MCTP1: variants seen among roughly 807,000 people sequenced by gnomAD.
The protein encoded by MCTP1 is multiple C2 and transmembrane domain-containing protein 1.
Under a neutral mutation model 120.6 loss-of-function variants are expected in MCTP1, and 69 were observed. The ratio of observed to expected loss-of-function variants is 0.57; its 90% CI spans 0.47 to 0.70. The LOEUF is 0.70. Ranked by LOEUF, MCTP1 falls within the 30% of genes least tolerant of loss-of-function variation. The probability of loss-of-function intolerance (pLI) is 0.00; values close to 1 mark genes in which losing one functional copy is unlikely to be tolerated. For missense variants in MCTP1, 1,203 were observed against 1,248.8 expected (o/e 0.96, Z 0.55); for synonymous variants, 529 against 493.1 (o/e 1.07, Z -0.96).
In MCTP1 at chr5:95,199,882, C is replaced by T. The variant is rs559366277; in HGVS notation, c.720+83974G>A. On this transcript the variant is annotated intron_variant, in intron 1 of 22. Transcript: ENST00000515393. ...TCTCAAAAGAAAAAAAAAAAAAGGCCAGGCACAGTGGCTCATGCCTGTAAC... is the reference window on the plus strand; with the variant it reads ...TCTCAAAAGAAAAAAAAAAAAAGGCTAGGCACAGTGGCTCATGCCTGTAAC... Among the ~76,000 whole-genome samples the T allele has an allele frequency of 2.1e-5, 3 of 145,382 alleles. No homozygotes were observed. In the East Asian group the frequency reaches 6.2e-4, roughly 30 times the overall value.
intron 3 of MCTP1, among the ~76,000 whole-genome samples, chr5:94,947,577 TAGAGAGAGAGAGAGAGAGAGAGAG>T (rs3030518): frequency 2.3e-4 from 11 of 47,400 alleles, no homozygotes; most frequent in Admixed American, 5.1e-4. Flanking sequence ...TATATATATA[TAGAGAGAGAGAGAGAGAGAGAGAG>T]AGAGAGAGAG....
intron 1 of MCTP1, among the ~76,000 whole-genome samples, chr5:95,200,927 C>CAGTT (rs141484462): frequency 6.6e-6 from 1 of 151,872 alleles, no homozygotes; most frequent in Non-Finnish European, 1.5e-5. Context: ...AAATGATTGT[C>CAGTT]AGAGATAAAC....
At chr5:95,079,901 T>C (rs1185714542) in intron 1 of MCTP1, among the ~76,000 whole-genome samples, 1 of 152,106 alleles carries the variant, frequency 6.6e-6, no homozygotes, top group East Asian at 1.9e-4. Flanking sequence ...TTCACTGGTA[T>C]AGTAGGACAT....
At chr5:94,779,197 C>G in intron 18 of MCTP1, 34 bp from the exon 19 acceptor site, 1 of 1,584,758 alleles carries the variant, frequency 6.3e-7, no homozygotes, top group Middle Eastern at 1.7e-4. Flanking sequence ...TTTTTGTGCT[C>G]TTAAAGGAGA....
chr5:94,735,145 T>G (rs1763935930), intron 19 of MCTP1, among the ~76,000 whole-genome samples: 1 of 152,136 alleles, frequency 6.6e-6, no homozygotes, highest in Non-Finnish European at 1.5e-5. Flanking sequence ...CAAAAGAGAT[T>G]GTACAGTTTC....
chr5:94,994,045 G>A (rs1832126536), intron 2 of MCTP1, among the ~76,000 whole-genome samples: 1 of 152,142 alleles, frequency 6.6e-6, no homozygotes, highest in South Asian at 2.1e-4. Context: ...GCAAGATTCT[G>A]TCCTCCTAAG....
In MCTP1 at chr5:95,016,765, T is replaced by A. The variant is rs114337225; in HGVS notation, c.838+602A>T. Among the ~76,000 whole-genome samples the A allele has an allele frequency of 2.0e-3, 304 of 152,154 alleles. 1 individual carries two copies. The highest frequency in any genetic ancestry group is 7.0e-3 in the African/African-American group (290 of 41,532). On this transcript the variant is annotated intron_variant, in intron 2 of 22. Transcript: ENST00000515393. ...CTGCCTCTATCCTGGGTTCAAGAAATCCCTCATGTGGCCTATCCTCGTTCA... is the reference window on the plus strand; with the variant it reads ...CTGCCTCTATCCTGGGTTCAAGAAAACCCTCATGTGGCCTATCCTCGTTCA...
At position 94,894,659 on chromosome 5, in the gene MCTP1, A is replaced by T; in HGVS notation, c.1829T>A (p.Leu610Ter). 4 of 1,603,918 alleles carry T rather than the reference A, an allele frequency of 2.5e-6. No individual in the cohort carries two copies. Among genetic ancestry groups the T allele is most frequent in the Non-Finnish European group, 3.4e-6 (4 of 1,172,108 alleles). The change falls in exon 11 of 23, where the codon TTA (leucine) becomes TAA (stop). Residue 610 changes from leucine to a stop codon, truncating the protein, a stop_gained. Transcript: ENST00000515393. LOFTEE classifies it high-confidence loss of function. Reference sequence around the variant, plus strand: ...GGGTTACATACGTACATATCTCTTTAATATCTCCTCTCGTTCCTTCTGGTC... The same window carrying T: ...GGGTTACATACGTACATATCTCTTTTATATCTCCTCTCGTTCCTTCTGGTC... ...LEDQKEREEILKRYSPLRIFH... is the reference protein window; with the variant it reads ...LEDQKEREEI
At chr5:94,798,885 A>G in intron 18 of MCTP1, 128 bp downstream of exon 18, 1 of 933,454 alleles carries the variant, frequency 1.1e-6, no homozygotes, top group Non-Finnish European at 1.6e-6. Context: ...ACCTGATAAA[A>G]CTTTCCTCTA....
intron 2 of MCTP1, among the ~76,000 whole-genome samples, chr5:94,968,710 A>C (rs1826138965): frequency 6.6e-6 from 1 of 152,212 alleles, no homozygotes; most frequent in Admixed American, 6.5e-5. Context: ...TACTTATCAA[A>C]TTAAAGAGAG....
chr5:94,908,244 G>T (rs2017787), intron 10 of MCTP1, among the ~76,000 whole-genome samples: 6,059 of 152,050 alleles, frequency 0.04, 417 homozygotes, highest in African/African-American at 0.14. Flanking sequence ...ATGTAATGTA[G>T]TATTAGATTA....
intron 1 of MCTP1, among the ~76,000 whole-genome samples, chr5:95,149,549 G>T (rs543480711): frequency 1.3e-5 from 2 of 152,264 alleles, no homozygotes; most frequent in East Asian, 3.9e-4. Flanking sequence ...TGCCATATGG[G>T]TGTTTCCTGG....
intron 2 of MCTP1, among the ~76,000 whole-genome samples, chr5:94,997,779 T>C (rs567423313): frequency 9.8e-5 from 15 of 152,294 alleles, no homozygotes; most frequent in African/African-American, 3.6e-4. Flanking sequence ...TTTCAATACA[T>C]AAATGTGTTT....
chr5:94,958,540 A>C (rs564005189), intron 2 of MCTP1, among the ~76,000 whole-genome samples: 1 of 152,288 alleles, frequency 6.6e-6, no homozygotes, highest in Non-Finnish European at 1.5e-5. Context: ...TAAAGAAGAA[A>C]AGAGAGAAGA....
chr5:94,748,925 C>T (rs1425766363), intron 19 of MCTP1, among the ~76,000 whole-genome samples: 1 of 151,584 alleles, frequency 6.6e-6, no homozygotes, highest in African/African-American at 2.4e-5. Flanking sequence ...CAATAGCGCT[C>T]AATGCAATTA....
At chr5:94,944,102 T>C (rs1166800254) in intron 3 of MCTP1, among the ~76,000 whole-genome samples, 3 of 152,046 alleles carry the variant, frequency 2.0e-5, no homozygotes, top group East Asian at 3.9e-4. Flanking sequence ...ATTTAATATG[T>C]AAAAAATTGA....
intron 5 of MCTP1, among the ~76,000 whole-genome samples, chr5:94,932,799 G>C (rs189265195): frequency 0.015 from 2,236 of 152,008 alleles, 36 homozygotes; most frequent in Non-Finnish European, 0.023. Flanking sequence ...TGGAGAATAG[G>C]AAATATTCAG....
chr5:94,987,973 A>C (rs1830723233), intron 2 of MCTP1, among the ~76,000 whole-genome samples: 1 of 152,186 alleles, frequency 6.6e-6, no homozygotes, highest in Non-Finnish European at 1.5e-5. Flanking sequence ...TAGAAAGCTG[A>C]AATAAACTTA....
chr5:94,940,791 T>TATG (rs1328998447), intron 4 of MCTP1, among the ~76,000 whole-genome samples: 1 of 151,380 alleles, frequency 6.6e-6, no homozygotes, highest in Non-Finnish European at 1.5e-5. Context: ...ACAACTGCCT[T>TATG]ATGATGTATT....
Sources: gnomAD v4.1 joint callset for allele counts (sites outside exome capture counted in the v4.1 genomes callset) on GRCh38, gnomAD v4.1.1 for gene constraint, MANE v1.5 for transcripts, NCBI Gene and HGNC (gene_info 2026-07-23, HGNC 2026-07-21) for gene names.